CDH18: variants seen among roughly 807,000 people sequenced by gnomAD.
CDH18 encodes cadherin 18, also known as cadherin-18.
CDH18 carries 31 observed loss-of-function variants against 67.9 expected under a neutral mutation model. That is an observed-to-expected ratio of 0.46 (90% CI 0.34 to 0.62). The LOEUF is 0.62. Among genes scored for constraint, CDH18 ranks in the 20% least tolerant of loss-of-function variants. The pLI is 0.01. For synonymous variants in CDH18, 362 were observed against 347.2 expected (o/e 1.04, Z -0.48); for missense variants, 890 against 975.5 (o/e 0.91, Z 1.17).
At chr5:19,854,958 A>G (rs6451492) in intron 2 of CDH18, among the ~76,000 whole-genome samples, 120,958 of 145,500 alleles carry the variant, frequency 0.83, 50,745 homozygotes, top group Non-Finnish European at 0.91. Flanking sequence ...TTTTTTTTCT[A>G]GTTCCCTAAA....
chr5:20,193,813 T>G (rs1358058247), intron 2 of CDH18, among the ~76,000 whole-genome samples: 3 of 152,248 alleles, frequency 2.0e-5, no homozygotes, highest in Middle Eastern at 3.4e-3. Context: ...AATTAATACA[T>G]GTAATCCATC....
intron 1 of CDH18, among the ~76,000 whole-genome samples, chr5:20,329,768 C>CAAAAAAAAAAAA (rs60246535): frequency 1.6e-5 from 1 of 62,568 alleles, no homozygotes; most frequent in African/African-American, 6.2e-5. Flanking sequence ...GAAACTCCAT[C>CAAAAAAAAAAAA]AAAAAAAAAA....
intron 9 of CDH18, among the ~76,000 whole-genome samples, chr5:19,530,951 G>T (rs1417121695): frequency 6.6e-6 from 1 of 152,110 alleles, no homozygotes; most frequent in African/African-American, 2.4e-5. Context: ...ATGGTGTGCT[G>T]CACCCACTGT....
At chr5:19,526,868 T>G (rs1240436914) in intron 9 of CDH18, among the ~76,000 whole-genome samples, 1 of 152,004 alleles carries the variant, frequency 6.6e-6, no homozygotes, top group Non-Finnish European at 1.5e-5. Context: ...ATGAAAAGAC[T>G]TATCTACTAC....
At position 20,421,827 on chromosome 5, in the gene CDH18, CAT is replaced by C. The variant is rs139825417; in HGVS notation, c.-580+153633_-580+153634del. Among the ~76,000 whole-genome samples the C allele has an allele frequency of 1.1e-3, 158 of 147,588 alleles. 3 individuals are homozygous for C. The highest frequency in any genetic ancestry group is 1.5e-3 in the African/African-American group (60 of 39,338). On this transcript the variant is annotated intron_variant, in intron 1 of 14. Coordinates refer to the CDH18 transcript ENST00000507958. The stretch of plus-strand genomic sequence containing the variant: ...ATAAATTATATATGTATATATCAAT[CAT>C]ATATATATATATACACATGTATACA...
intron 2 of CDH18, among the ~76,000 whole-genome samples, chr5:19,994,226 T>G (rs1405978315): frequency 6.6e-6 from 1 of 151,630 alleles, no homozygotes; most frequent in East Asian, 2.0e-4. Context: ...TATATGTGCA[T>G]ACATGTATAT....
At chr5:20,471,509 T>G (rs80197032) in intron 1 of CDH18, among the ~76,000 whole-genome samples, 1 of 151,854 alleles carries the variant, frequency 6.6e-6, no homozygotes, top group Non-Finnish European at 1.5e-5. Flanking sequence ...TATTTACAGT[T>G]TTTACAAAGC....
At chr5:19,526,927 G>A (rs1043025931) in intron 9 of CDH18, among the ~76,000 whole-genome samples, 2 of 151,702 alleles carry the variant, frequency 1.3e-5, no homozygotes, top group African/African-American at 4.8e-5. Flanking sequence ...CACATTTATA[G>A]CTGTCTAAGT....
chr5:20,331,853 A>G (rs1739220170), intron 1 of CDH18, among the ~76,000 whole-genome samples: 1 of 152,196 alleles, frequency 6.6e-6, no homozygotes, highest in African/African-American at 2.4e-5. Flanking sequence ...TATTTATAAG[A>G]ACAGTATTAA....
chr5:19,490,394 G>GGTTTTTTTTTT (rs1741223437), intron 11 of CDH18, among the ~76,000 whole-genome samples: 10 of 60,212 alleles, frequency 1.7e-4, no homozygotes, highest in African/African-American at 6.7e-4. Context: ...ATAAAAATCT[G>GGTTTTTTTTTT]TTTTTTTTTT....
At chr5:20,242,620 A>ACATATATATATATATACG (rs1554106663) in intron 2 of CDH18, among the ~76,000 whole-genome samples, 3 of 68,880 alleles carry the variant, frequency 4.4e-5, no homozygotes, top group Admixed American at 1.6e-4. Flanking sequence ...AAATATATAT[A>ACATATATATATATATACG]TATATATATA....
chr5:19,755,913 C>T (rs116354541), intron 3 of CDH18, among the ~76,000 whole-genome samples: 1,750 of 152,202 alleles, frequency 0.011, 14 homozygotes, highest in Non-Finnish European at 0.019. Flanking sequence ...CCCCAGCCTA[C>T]TGATTCAAAG....
At chr5:20,213,247 G>A (rs1245969030) in intron 2 of CDH18, among the ~76,000 whole-genome samples, 2 of 152,162 alleles carry the variant, frequency 1.3e-5, no homozygotes, top group Non-Finnish European at 2.9e-5. Flanking sequence ...TAGGTTGGTG[G>A]AATTGTAGTC....
At chr5:20,038,811 C>G (rs796873944) in intron 2 of CDH18, among the ~76,000 whole-genome samples, 2 of 152,082 alleles carry the variant, frequency 1.3e-5, no homozygotes, top group Non-Finnish European at 2.9e-5. Context: ...TATCATCACT[C>G]CTATTCAACA....
intron 1 of CDH18, among the ~76,000 whole-genome samples, chr5:20,324,301 A>G (rs1738329921): frequency 6.6e-6 from 1 of 152,140 alleles, no homozygotes; most frequent in Non-Finnish European, 1.5e-5. Context: ...GCACTTTGGG[A>G]GGCTGAGGCA....
intron 1 of CDH18, among the ~76,000 whole-genome samples, chr5:20,454,999 C>A (rs1462136003): frequency 6.6e-6 from 1 of 151,302 alleles, no homozygotes; most frequent in Non-Finnish European, 1.5e-5. Flanking sequence ...GAAGAACATG[C>A]AAGAACATGG....
chr5:19,796,634 C>T (rs1213494303), intron 3 of CDH18, among the ~76,000 whole-genome samples: 18 of 151,976 alleles, frequency 1.2e-4, no homozygotes, highest in Non-Finnish European at 2.5e-4. Context: ...ACTGAAGCAA[C>T]AAGGGGAAGA....
chr5:19,567,665 A>G (rs1340963513), intron 8 of CDH18, among the ~76,000 whole-genome samples: 1 of 152,180 alleles, frequency 6.6e-6, no homozygotes, highest in East Asian at 1.9e-4. Flanking sequence ...TATTATGTAA[A>G]TTATGTCCCC....
At chr5:20,141,930 G>A (rs1233754328) in intron 2 of CDH18, among the ~76,000 whole-genome samples, 2 of 151,868 alleles carry the variant, frequency 1.3e-5, no homozygotes, top group East Asian at 3.9e-4. Flanking sequence ...AGTAAAAATA[G>A]AGCAAAATGT....
Sources: gnomAD v4.1 joint callset for allele counts (sites outside exome capture counted in the v4.1 genomes callset) on GRCh38, gnomAD v4.1.1 for gene constraint, MANE v1.5 for transcripts, NCBI Gene and HGNC (gene_info 2026-07-23, HGNC 2026-07-21) for gene names.